The following CNTNAP5 variants were observed in gnomAD, a reference collection of about 807,000 sequenced individuals.
CNTNAP5 encodes contactin associated protein family member 5.
Under a neutral mutation model 150.2 loss-of-function variants are expected in CNTNAP5, and 72 were observed. The ratio of observed to expected loss-of-function variants is 0.48; its 90% CI spans 0.40 to 0.58. The LOEUF is 0.58. Ranked by LOEUF, CNTNAP5 falls within the 20% of genes least tolerant of loss-of-function variation. The pLI is 0.00. For missense variants in CNTNAP5, 1,636 were observed against 1,626.2 expected (o/e 1.01, Z -0.10); for synonymous variants, 672 against 619.8 (o/e 1.08, Z -1.25).
chr2:124,575,826 CA>C (rs1209407488), intron 11 of CNTNAP5, among the ~76,000 whole-genome samples: 6 of 152,166 alleles, frequency 3.9e-5, no homozygotes, highest in African/African-American at 1.4e-4. Flanking sequence ...TTCTAATTTT[CA>C]AATTGTTGGC....
intron 1 of CNTNAP5, among the ~76,000 whole-genome samples, chr2:124,164,021 T>C (rs995782232): frequency 7.2e-5 from 11 of 152,210 alleles, no homozygotes; most frequent in African/African-American, 2.4e-4. Context: ...CCCTAGTATT[T>C]GTTCTTAGTG....
intron 19 of CNTNAP5, among the ~76,000 whole-genome samples, chr2:124,804,947 T>A (rs898687572): frequency 5.3e-5 from 8 of 152,220 alleles, no homozygotes; most frequent in African/African-American, 1.9e-4. Flanking sequence ...TATCAGAGCA[T>A]GAATGTGAAG....
chr2:124,335,129 TCTCC>T (rs1231382754), intron 3 of CNTNAP5, among the ~76,000 whole-genome samples: 1 of 152,092 alleles, frequency 6.6e-6, no homozygotes, highest in Non-Finnish European at 1.5e-5. Flanking sequence ...GTGTCTCTAG[TCTCC>T]ACCCAAAATA....
chr2:124,859,053 C>A (rs1001519930), intron 19 of CNTNAP5, among the ~76,000 whole-genome samples: 1 of 151,950 alleles, frequency 6.6e-6, no homozygotes, highest in Admixed American at 6.6e-5. Context: ...CCAAAATTGA[C>A]AAATGGGATC....
chr2:124,152,553 A>G (rs187637123), intron 1 of CNTNAP5, among the ~76,000 whole-genome samples: 2 of 152,260 alleles, frequency 1.3e-5, no homozygotes, highest in African/African-American at 2.4e-5. Flanking sequence ...TAAAATTGAT[A>G]TATTTTTCAG....
intron 10 of CNTNAP5, among the ~76,000 whole-genome samples, chr2:124,558,484 G>T (rs186227724): frequency 6.6e-6 from 1 of 151,688 alleles, no homozygotes; most frequent in African/African-American, 2.4e-5. Flanking sequence ...CTGCGTAGAG[G>T]AGTCTGGAGT....
intron 3 of CNTNAP5, among the ~76,000 whole-genome samples, chr2:124,357,547 C>G (rs550177046): frequency 1.3e-5 from 2 of 151,824 alleles, no homozygotes; most frequent in South Asian, 4.2e-4. Flanking sequence ...TTCCCAGCAC[C>G]GTTTATTAAA....
chr2:124,129,749 A>G (rs558466583), intron 1 of CNTNAP5, among the ~76,000 whole-genome samples: 1 of 152,318 alleles, frequency 6.6e-6, no homozygotes, highest in East Asian at 1.9e-4. Flanking sequence ...AAATCATGTT[A>G]AATAGTATTA....
chr2:124,393,825 G>T (rs1691178972), intron 3 of CNTNAP5, among the ~76,000 whole-genome samples: 1 of 152,136 alleles, frequency 6.6e-6, no homozygotes, highest in Non-Finnish European at 1.5e-5. Flanking sequence ...TTTTACTTTG[G>T]TAAACCAAGG....
At chr2:124,241,814 T>A (rs1314491100) in intron 2 of CNTNAP5, among the ~76,000 whole-genome samples, 2 of 152,066 alleles carry the variant, frequency 1.3e-5, no homozygotes, top group South Asian at 4.2e-4. Context: ...AGGAACGATA[T>A]ATTAGTCAGA....
chr2:124,474,697 G>A, intron 6 of CNTNAP5, 42 bp from the exon 7 acceptor site: 2 of 1,483,602 alleles, frequency 1.3e-6, no homozygotes, highest in South Asian at 2.8e-5. Flanking sequence ...TAATCTTTCT[G>A]AGCTTAAAAC....
At chr2:124,243,654 C>CT (rs1414157869) in intron 3 of CNTNAP5, among the ~76,000 whole-genome samples, 1 of 152,072 alleles carries the variant, frequency 6.6e-6, no homozygotes, top group Middle Eastern at 3.2e-3. Flanking sequence ...CCACAGCCTA[C>CT]TTGAAGGGAG....
chr2:124,900,146 T>A (rs971427881), intron 21 of CNTNAP5, among the ~76,000 whole-genome samples: 5 of 151,464 alleles, frequency 3.3e-5, no homozygotes, highest in African/African-American at 1.2e-4. Context: ...TGAGAACACA[T>A]ATCCGGAAGA....
intron 10 of CNTNAP5, among the ~76,000 whole-genome samples, chr2:124,553,518 AAAG>A (rs1166645526): frequency 5.5e-5 from 8 of 146,518 alleles, no homozygotes; most frequent in African/African-American, 2.0e-4. Flanking sequence ...AAAAAAAAAA[AAAG>A]TTAGAATGCA....
At chr2:124,277,150 G>C (rs1687902982) in intron 3 of CNTNAP5, among the ~76,000 whole-genome samples, 1 of 152,116 alleles carries the variant, frequency 6.6e-6, no homozygotes, top group Non-Finnish European at 1.5e-5. Context: ...TTAAATAAGT[G>C]AGAAAAGAGA....
At chr2:124,300,300 A>G (rs1257384955) in intron 3 of CNTNAP5, among the ~76,000 whole-genome samples, 1 of 152,186 alleles carries the variant, frequency 6.6e-6, no homozygotes, top group Non-Finnish European at 1.5e-5. Flanking sequence ...ACTGAACCCA[A>G]ACATTTCCGT....
intron 13 of CNTNAP5, among the ~76,000 whole-genome samples, chr2:124,659,316 C>G (rs1169605367): frequency 6.6e-6 from 1 of 151,962 alleles, no homozygotes; most frequent in Non-Finnish European, 1.5e-5. Context: ...GAGGAAATAC[C>G]AAATGTGCTT....
intron 1 of CNTNAP5, among the ~76,000 whole-genome samples, chr2:124,092,349 G>A (rs1468108518): frequency 6.6e-6 from 1 of 152,178 alleles, no homozygotes; most frequent in Non-Finnish European, 1.5e-5. Flanking sequence ...TTTAGGCTTT[G>A]TAGGCTACAT....
intron 6 of CNTNAP5, among the ~76,000 whole-genome samples, chr2:124,451,077 T>TATATATATACACACAC (rs755084840): frequency 6.5e-5 from 4 of 61,528 alleles, no homozygotes; most frequent in Non-Finnish European, 8.0e-5. Flanking sequence ...TATATATATA[T>TATATATATACACACAC]ACACACACAC....
Sources: allele counts gnomAD v4.1 joint callset (sites outside exome capture counted in the v4.1 genomes callset), GRCh38; gene constraint gnomAD v4.1.1; transcripts MANE v1.5; gene names NCBI Gene and HGNC (gene_info 2026-07-23, HGNC 2026-07-21).